The following BRINP2 variants were observed in gnomAD, a reference collection of about 807,000 sequenced individuals.
BRINP2 encodes BMP/retinoic acid inducible neural specific 2, also known as BMP/retinoic acid-inducible neural-specific protein 2.
BRINP2 carries 21 observed loss-of-function variants against 69.2 expected under a neutral mutation model. The observed-to-expected ratio is 0.30, with a 90% confidence interval of 0.22 to 0.44. The LOEUF is 0.44. Ranked by LOEUF, BRINP2 falls within the 20% of genes least tolerant of loss-of-function variation. BRINP2 has a pLI of 1.00. For missense variants in BRINP2, 877 were observed against 986.0 expected (o/e 0.89, Z 1.48); for synonymous variants, 380 against 394.1 (o/e 0.96, Z 0.42).
chr1:177,242,310 TA>T (rs1226240180), intron 2 of BRINP2, among the ~76,000 whole-genome samples: 5 of 152,346 alleles, frequency 3.3e-5, no homozygotes, highest in South Asian at 2.1e-4. Flanking sequence ...TTTCTTAGCA[TA>T]AAACTCACTT....
intron 5 of BRINP2, among the ~76,000 whole-genome samples, chr1:177,274,196 A>G (rs1342454667): frequency 6.6e-6 from 1 of 152,212 alleles, no homozygotes; most frequent in Non-Finnish European, 1.5e-5. Context: ...ACTGTGAAAG[A>G]TAAAGGAAAG....
chr1:177,222,450 T>C (rs1324150240), intron 1 of BRINP2, among the ~76,000 whole-genome samples: 1 of 152,164 alleles, frequency 6.6e-6, no homozygotes, highest in Non-Finnish European at 1.5e-5. Context: ...TGGCTAGGAT[T>C]ACAGGCACCT....
intron 1 of BRINP2, among the ~76,000 whole-genome samples, chr1:177,202,901 T>C (rs1377296633): frequency 6.6e-6 from 1 of 152,164 alleles, no homozygotes; most frequent in East Asian, 1.9e-4. Flanking sequence ...AGTTCAACCA[T>C]TGTGGAAGTC....
At chr1:177,277,367 G>C (rs779914862) in intron 6 of BRINP2, among the ~76,000 whole-genome samples, 1 of 151,900 alleles carries the variant, frequency 6.6e-6, no homozygotes, top group Non-Finnish European at 1.5e-5. Flanking sequence ...AGAAAGGGAA[G>C]TTTAGGGCCC....
Position 177,280,424 on chromosome 1 carries a change from C to T in BRINP2, c.1248C>T (p.Tyr416=), listed in dbSNP as rs1464722654. 2 of 1,607,558 alleles carry T rather than the reference C, an allele frequency of 1.2e-6. No homozygotes were observed. Among genetic ancestry groups the T allele is most frequent in the Admixed American group, 1.7e-5 (1 of 59,346 alleles). The change falls in exon 8 of 8, where the codon TAC becomes TAT. Residue 416 remains tyrosine, a synonymous_variant. Transcript: ENST00000361539. ...TCTGCTCCCCAAGGTCCTTGTCCTA[C>T]TGGTGGAACCGAATCCAGTCCCTCC... The part of the protein sequence containing the change: ...FRLPKERSLS[Y]WWNRIQSLLY...
intron 2 of BRINP2, among the ~76,000 whole-genome samples, chr1:177,246,139 AG>A (rs1650370544): frequency 6.6e-6 from 1 of 152,200 alleles, no homozygotes; most frequent in African/African-American, 2.4e-5. Context: ...AAGAATTGCA[AG>A]GGCTGAGATA....
rs759731438 is a variant in BRINP2, at chr1:177,281,028, G to A, written c.1852G>A (p.Val618Met). The A allele has an allele frequency of 2.8e-5, 45 of 1,614,072 alleles. No individual in the cohort carries two copies. The highest frequency in any genetic ancestry group is 4.5e-5 in the East Asian group (2 of 44,890). The change falls in exon 8 of 8, where the codon GTG becomes ATG. Residue 618 changes from valine to methionine, a missense_variant. By Grantham distance (21) the Val-to-Met change is conservative. This residue lies in a region of BRINP2 where 225 missense variants were observed against 218.7 expected (regional missense o/e 1.03). Coordinates refer to ENST00000361539, the MANE Select transcript of BRINP2 (RefSeq NM_021165.4). Reference sequence around the variant, plus strand: ...CTTTCCTGACTGGGAAAGGACTAACGTGGATGCAGCTGCCCAGTGCCAAAA... The same window carrying A: ...CTTTCCTGACTGGGAAAGGACTAACATGGATGCAGCTGCCCAGTGCCAAAA... ...GSFPDWERTN[V>M]DAAAQCQNWT...
chr1:177,228,160 C>T (rs1649757633), intron 1 of BRINP2, among the ~76,000 whole-genome samples: 1 of 152,174 alleles, frequency 6.6e-6, no homozygotes, highest in African/African-American at 2.4e-5. Context: ...ACTATGGTAA[C>T]TTCTAAGAGC....
At chr1:177,226,253 G>T (rs1649687286) in intron 1 of BRINP2, among the ~76,000 whole-genome samples, 1 of 152,166 alleles carries the variant, frequency 6.6e-6, no homozygotes, top group Non-Finnish European at 1.5e-5. Context: ...GTTTTCAGTA[G>T]CTCACAATGA....
At chr1:177,192,296 A>G (rs1648617112) in intron 1 of BRINP2, among the ~76,000 whole-genome samples, 1 of 152,184 alleles carries the variant, frequency 6.6e-6, no homozygotes, top group Admixed American at 6.5e-5. Context: ...TAGAGACAAG[A>G]GACCCGGGTT....
intron 1 of BRINP2, among the ~76,000 whole-genome samples, chr1:177,227,267 T>C (rs1370881559): frequency 6.6e-6 from 1 of 152,246 alleles, no homozygotes; most frequent in Non-Finnish European, 1.5e-5. Flanking sequence ...CTTGCTGTGT[T>C]GGCTGCCTTG....
intron 1 of BRINP2, among the ~76,000 whole-genome samples, chr1:177,193,611 A>G (rs985710038): frequency 5.3e-5 from 8 of 152,214 alleles, no homozygotes; most frequent in Admixed American, 2.0e-4. Context: ...TGTCTCTCTT[A>G]GCATGGAGAA....
At chr1:177,226,772 G>A (rs1324642657) in intron 1 of BRINP2, among the ~76,000 whole-genome samples, 2 of 152,014 alleles carry the variant, frequency 1.3e-5, no homozygotes, top group Admixed American at 1.3e-4. Context: ...TTTTCTTAAG[G>A]TCATATGACT....
At chr1:177,263,919 C>T (rs544156298) in intron 4 of BRINP2, among the ~76,000 whole-genome samples, 44 of 152,236 alleles carry the variant, frequency 2.9e-4, no homozygotes, top group Non-Finnish European at 4.6e-4. Context: ...CCTTCCTGTA[C>T]GTGAACTGCT....
chr1:177,210,445 T>G (rs906983007), intron 1 of BRINP2, among the ~76,000 whole-genome samples: 6 of 152,074 alleles, frequency 3.9e-5, no homozygotes, highest in Non-Finnish European at 7.4e-5. Flanking sequence ...TTCATAAAGT[T>G]ACAGTACATA....
At chr1:177,184,218 A>G (rs1327683982) in intron 1 of BRINP2, among the ~76,000 whole-genome samples, 1 of 152,178 alleles carries the variant, frequency 6.6e-6, no homozygotes, top group African/African-American at 2.4e-5. Context: ...CAGCAATTTG[A>G]CATTCTAATC....
chr1:177,176,902 C>T (rs1648105109), intron 1 of BRINP2, among the ~76,000 whole-genome samples: 1 of 152,056 alleles, frequency 6.6e-6, no homozygotes, highest in South Asian at 2.1e-4. Context: ...TTTTGAATGA[C>T]AGTAGAAATA....
At chr1:177,226,608 C>T (rs1385477674) in intron 1 of BRINP2, among the ~76,000 whole-genome samples, 2 of 152,178 alleles carry the variant, frequency 1.3e-5, no homozygotes, top group Non-Finnish European at 1.5e-5. Context: ...AAAGCATTAT[C>T]TCAGTCTCTG....
At chr1:177,176,595 G>A (rs922003521) in intron 1 of BRINP2, among the ~76,000 whole-genome samples, 1 of 151,016 alleles carries the variant, frequency 6.6e-6, no homozygotes, top group Non-Finnish European at 1.5e-5. Flanking sequence ...GTAGTGACAG[G>A]TTAATGGGGA....
Sources: allele counts gnomAD v4.1 joint callset (sites outside exome capture counted in the v4.1 genomes callset), GRCh38; gene constraint gnomAD v4.1.1; regional missense constraint gnomAD v4.1.1; transcripts MANE v1.5; gene names NCBI Gene and HGNC (gene_info 2026-07-23, HGNC 2026-07-21).